ZBTB7C: variants seen among roughly 807,000 people sequenced by gnomAD.
ZBTB7C encodes zinc finger and BTB domain-containing protein 7C.
ZBTB7C carries 8 observed loss-of-function variants against 25.7 expected under a neutral mutation model. That is an observed-to-expected ratio of 0.31 (90% CI 0.18 to 0.56). The LOEUF (loss-of-function observed/expected upper bound fraction) is 0.56. Among genes scored for constraint, ZBTB7C ranks in the 20% least tolerant of loss-of-function variants. ZBTB7C has a pLI of 0.91. For synonymous variants in ZBTB7C, 394 were observed against 369.0 expected (o/e 1.07, Z -0.78); for missense variants, 824 against 855.2 (o/e 0.96, Z 0.46).
Position 48,099,744 on chromosome 18 carries a change from G to A in ZBTB7C, c.-16-58621C>T, listed in dbSNP as rs537313733. 3.0e-4 allele frequency among the ~76,000 whole-genome samples: 45 copies of A among 152,336 alleles called. 1 individual carries two copies. Among genetic ancestry groups the A allele is most frequent in the African/African-American group, 1.1e-3 (44 of 41,582 alleles). ...CTCAATTGGCCCCTCAGACAAGGAG[G>A]TGGGTTATCACCCATCCATCCCCAG... On this transcript the variant is annotated intron_variant, in intron 3 of 4. Coordinates refer to ENST00000590800, the MANE Select transcript of ZBTB7C (RefSeq NM_001318841.2).
chr18:48,067,253 C>T (rs141296245), intron 3 of ZBTB7C, among the ~76,000 whole-genome samples: 6,176 of 152,268 alleles, frequency 0.041, 170 homozygotes, highest in Non-Finnish European at 0.066. Context: ...CTTGAAGATC[C>T]CTTCATAGTT....
intron 1 of ZBTB7C, among the ~76,000 whole-genome samples, chr18:48,379,629 T>C (rs894322105): frequency 1.3e-5 from 2 of 152,154 alleles, no homozygotes; most frequent in Non-Finnish European, 2.9e-5. Context: ...AGGTGGACTT[T>C]ATTAAAATAA....
chr18:48,409,041 G>A (rs867379039), intron 1 of ZBTB7C, among the ~76,000 whole-genome samples, 185 bp downstream of exon 1: 9 of 151,136 alleles, frequency 6.0e-5, no homozygotes, highest in Non-Finnish European at 1.0e-4. Context: ...GCTCCAGCCG[G>A]CGCCCCAAGG....
chr18:48,355,419 G>A (rs1163147067), intron 1 of ZBTB7C, among the ~76,000 whole-genome samples: 1 of 152,192 alleles, frequency 6.6e-6, no homozygotes, highest in African/African-American at 2.4e-5. Context: ...TTTGTTCCCA[G>A]TTCGCCACGG....
chr18:48,099,470 G>A (rs968760299), intron 3 of ZBTB7C, among the ~76,000 whole-genome samples: 1 of 152,180 alleles, frequency 6.6e-6, no homozygotes, highest in Non-Finnish European at 1.5e-5. Context: ...GTATTTAAGT[G>A]GGCTTCCACT....
intron 2 of ZBTB7C, among the ~76,000 whole-genome samples, chr18:48,324,406 A>G (rs1226499377): frequency 6.6e-6 from 1 of 151,916 alleles, no homozygotes; most frequent in Non-Finnish European, 1.5e-5. Flanking sequence ...CATGCAGTTT[A>G]CCCTCCAGTG....
chr18:48,237,384 A>G (rs1286456077), intron 2 of ZBTB7C, among the ~76,000 whole-genome samples: 2 of 152,126 alleles, frequency 1.3e-5, no homozygotes, highest in East Asian at 3.9e-4. Flanking sequence ...AACAGTACAA[A>G]TGTGGGGAGC....
intron 3 of ZBTB7C, chr18:48,041,564 T>C (rs1204849826): frequency 1.0e-6 from 1 of 980,808 alleles, no homozygotes; most frequent in African/African-American, 1.8e-5. Flanking sequence ...CTGATTTGTC[T>C]CACAAATCCT....
At chr18:48,307,833 C>T (rs375195502) in intron 2 of ZBTB7C, among the ~76,000 whole-genome samples, 4 of 152,148 alleles carry the variant, frequency 2.6e-5, no homozygotes, top group African/African-American at 7.2e-5. Context: ...GGCAACAGAG[C>T]GAAACTCCAC....
chr18:48,100,814 C>G (rs559411599), intron 3 of ZBTB7C, among the ~76,000 whole-genome samples: 2 of 151,902 alleles, frequency 1.3e-5, no homozygotes, highest in East Asian at 3.9e-4. Flanking sequence ...AAAACAAGGT[C>G]GCAAATCAAG....
intron 1 of ZBTB7C, among the ~76,000 whole-genome samples, chr18:48,339,996 G>T (rs930188838): frequency 2.6e-5 from 4 of 152,178 alleles, no homozygotes; most frequent in African/African-American, 9.7e-5. Context: ...AAGCCCCTTC[G>T]AAAGAGCAAA....
intron 1 of ZBTB7C, among the ~76,000 whole-genome samples, chr18:48,391,840 C>G (rs972301565): frequency 6.6e-6 from 1 of 152,230 alleles, no homozygotes; most frequent in Admixed American, 6.5e-5. Flanking sequence ...AACTACTGTT[C>G]AAGCACTCTT....
At position 48,039,924 on chromosome 18, in the gene ZBTB7C, G is replaced by A; in HGVS notation, c.1184C>T (p.Thr395Ile). 6.2e-7 allele frequency: 1 copy of A among 1,613,366 alleles called. No individual in the cohort carries two copies. The highest frequency in any genetic ancestry group is 8.5e-7 in the Non-Finnish European group (1 of 1,180,026). The change falls in exon 4 of 5, where the codon ACC becomes ATC. Residue 395 changes from threonine (T) to isoleucine (I), a missense_variant. Transcript: ENST00000590800. The part of the protein sequence containing the change: ...THTGEKPYMC[T>I]ICEVRFTRQD... ...CCTGGTGAAGCGGACCTCGCAGATGGTGCACATGTATGGCTTCTCCCCGGT... is the reference window on the plus strand; with the variant it reads ...CCTGGTGAAGCGGACCTCGCAGATGATGCACATGTATGGCTTCTCCCCGGT...
At chr18:48,207,957 A>G (rs1005033046) in intron 2 of ZBTB7C, among the ~76,000 whole-genome samples, 1 of 150,898 alleles carries the variant, frequency 6.6e-6, no homozygotes, top group African/African-American at 2.4e-5. Context: ...GCATGATTAC[A>G]AGAGTGTTTA....
rs1306950508 is a variant in ZBTB7C at position 48,103,651 on chromosome 18, T to TTA, written c.-16-62530_-16-62529dup. Among the ~76,000 whole-genome samples, 7 of 152,216 alleles carry TTA rather than the reference T, an allele frequency of 4.6e-5. No individual in the cohort carries two copies. In the East Asian group the frequency reaches 9.6e-4, roughly 21 times the overall value. ...CTGTGCACAAATGTTTATAGCAGCA[T>TTA]TATTTGTGAGAGCCCCAAAGTAGAA... On this transcript the variant is annotated intron_variant, in intron 3 of 4. Transcript: ENST00000590800.
intron 2 of ZBTB7C, among the ~76,000 whole-genome samples, chr18:48,296,887 G>A (rs1210809719): frequency 2.0e-5 from 3 of 152,208 alleles, no homozygotes; most frequent in Admixed American, 2.0e-4. Context: ...CAGATGGCTT[G>A]AGTCCAGGAG....
chr18:48,221,692 C>T (rs1238148812), intron 2 of ZBTB7C, among the ~76,000 whole-genome samples: 1 of 149,472 alleles, frequency 6.7e-6, no homozygotes, highest in Non-Finnish European at 1.5e-5. Flanking sequence ...TACACTGTTC[C>T]AGTCTCCCTA....
intron 2 of ZBTB7C, among the ~76,000 whole-genome samples, chr18:48,209,192 T>C (rs773868072): frequency 1.2e-4 from 19 of 152,188 alleles, no homozygotes; most frequent in Non-Finnish European, 1.9e-4. Context: ...ATGCTCCAAG[T>C]TGGGACCTGT....
intron 3 of ZBTB7C, among the ~76,000 whole-genome samples, chr18:48,172,638 G>A (rs1396783365): frequency 6.6e-6 from 1 of 152,244 alleles, no homozygotes; most frequent in African/African-American, 2.4e-5. Context: ...CACAGGGAAT[G>A]GCCTTCACTG....
Sources: gnomAD v4.1 joint callset for allele counts (sites outside exome capture counted in the v4.1 genomes callset) on GRCh38, gnomAD v4.1.1 for gene constraint, MANE v1.5 for transcripts, NCBI Gene and HGNC (gene_info 2026-07-23, HGNC 2026-07-21) for gene names.